BCL2L13: variants seen among roughly 807,000 people sequenced by gnomAD.
BCL2L13 encodes bcl-2-like protein 13.
BCL2L13 carries 13 observed loss-of-function variants against 25.8 expected under a neutral mutation model. The ratio of observed to expected loss-of-function variants is 0.50; its 90% confidence interval spans 0.33 to 0.80. BCL2L13 has a LOEUF of 0.80. BCL2L13 is among the 30% of genes least tolerant of loss of function. The pLI, the probability that BCL2L13 is intolerant of heterozygous loss-of-function variation, is 0.02. For synonymous variants in BCL2L13, 244 were observed against 230.3 expected (o/e 1.06, Z -0.54); for missense variants, 504 against 574.9 (o/e 0.88, Z 1.26).
chr22:17,668,029 T>G, intron 2 of BCL2L13, among the ~76,000 whole-genome samples: 1 of 151,300 alleles, frequency 6.6e-6, no homozygotes. Context: ...TTTTTTTTTT[T>G]TGAGACAGTC....
intron 4 of BCL2L13, among the ~76,000 whole-genome samples, chr22:17,690,106 A>G (rs2060061389): frequency 6.6e-6 from 1 of 152,012 alleles, no homozygotes; most frequent in Non-Finnish European, 1.5e-5. Flanking sequence ...TGGAGGTATC[A>G]CTGGAAGTCA....
At chr22:17,703,974 A>AGT (rs1306946480) in intron 6 of BCL2L13, among the ~76,000 whole-genome samples, 6 of 152,244 alleles carry the variant, frequency 3.9e-5, no homozygotes, top group Non-Finnish European at 7.3e-5. Flanking sequence ...ATGATGATGT[A>AGT]GTACATCAAG....
At chr22:17,643,472 G>A (rs961037766) in intron 1 of BCL2L13, among the ~76,000 whole-genome samples, 1 of 151,754 alleles carries the variant, frequency 6.6e-6, no homozygotes, top group Non-Finnish European at 1.5e-5. Flanking sequence ...ATAGGAGCTG[G>A]CAAAGCATGG....
intron 6 of BCL2L13, chr22:17,706,841 T>TA (rs765057459): frequency 7.4e-7 from 1 of 1,351,754 alleles, no homozygotes; most frequent in East Asian, 4.5e-5. Flanking sequence ...GCTTGTATTT[T>TA]ACTTTCTCCG....
At position 17,726,707 on chromosome 22, in the gene BCL2L13, G is replaced by A. The variant is rs1163848312; in HGVS notation, c.631G>A (p.Glu211Lys). The change falls in exon 7 of 7, where the codon GAG becomes AAG. Residue 211 changes from glutamate to lysine, a missense_variant. Glu to Lys is a moderately conservative substitution (Grantham distance 56). Transcript: ENST00000317582. ...TGTGTTTAGTCTTGAGTCAGAGGAG[G>A]AGGAATACCCTGGAATCACTGCAGA... Reference protein sequence around the residue: ...GTVFSLESEEEEYPGITAEDS... With the variant: ...GTVFSLESEEKEYPGITAEDS... 1 of 1,614,090 alleles carries A rather than the reference G, an allele frequency of 6.2e-7. No individual in the cohort carries two copies. Among genetic ancestry groups the A allele is most frequent in the Admixed American group, 1.7e-5 (1 of 60,004 alleles).
Position 17,727,555 on chromosome 22 carries a change from G to T in BCL2L13, c.*21G>T. 1 of 1,611,570 alleles carries T rather than the reference G, an allele frequency of 6.2e-7. No individual in the cohort carries two copies. On this transcript the variant is annotated 3_prime_UTR_variant, in exon 7 of 7. Transcript: ENST00000317582. Reference sequence around the variant, plus strand: ...AATAGGAGGCTTTTCAGAAGAGAAAGACAGAAGGATGTAAGGTTGGAGTTG... The same window carrying T: ...AATAGGAGGCTTTTCAGAAGAGAAATACAGAAGGATGTAAGGTTGGAGTTG...
intron 6 of BCL2L13, among the ~76,000 whole-genome samples, chr22:17,720,618 G>A (rs943667649): frequency 2.6e-5 from 4 of 150,952 alleles, no homozygotes; most frequent in Non-Finnish European, 4.4e-5. Flanking sequence ...GCCTGCCTCC[G>A]CCTCCCAAAG....
At chr22:17,675,984 G>C (rs1327792029) in intron 2 of BCL2L13, among the ~76,000 whole-genome samples, 2 of 152,174 alleles carry the variant, frequency 1.3e-5, no homozygotes, top group Non-Finnish European at 2.9e-5. Flanking sequence ...TTCTGTATAA[G>C]CATCTTTGAT....
chr22:17,653,861 A>C (rs1312167914), intron 1 of BCL2L13, among the ~76,000 whole-genome samples: 1 of 151,892 alleles, frequency 6.6e-6, no homozygotes, highest in Non-Finnish European at 1.5e-5. Flanking sequence ...ATTTTTAAAA[A>C]TTGTTTATCA....
At chr22:17,707,769 T>A (rs1012728510) in intron 6 of BCL2L13, among the ~76,000 whole-genome samples, 5 of 152,184 alleles carry the variant, frequency 3.3e-5, no homozygotes, top group Admixed American at 3.3e-4. Context: ...TTGCCAAAGC[T>A]TCTTCAGATG....
intron 2 of BCL2L13, among the ~76,000 whole-genome samples, chr22:17,676,343 C>T (rs773176519): frequency 3.9e-5 from 6 of 151,952 alleles, no homozygotes; most frequent in Non-Finnish European, 5.9e-5. Context: ...CACGCCTGTA[C>T]TCCCAGCTAC....
At chr22:17,656,973 C>T (rs1170323535) in intron 2 of BCL2L13, among the ~76,000 whole-genome samples, 2 of 152,178 alleles carry the variant, frequency 1.3e-5, no homozygotes, top group African/African-American at 4.8e-5. Flanking sequence ...CGCACGCTGC[C>T]ACGCCCGGCT....
intron 2 of BCL2L13, among the ~76,000 whole-genome samples, chr22:17,656,310 C>T (rs1166280720): frequency 8.0e-6 from 1 of 124,522 alleles, no homozygotes; most frequent in African/African-American, 3.1e-5. Flanking sequence ...AAGCAAAAAA[C>T]AAAAGTATTT....
At chr22:17,648,507 G>A (rs1413331606) in intron 1 of BCL2L13, among the ~76,000 whole-genome samples, 2 of 151,592 alleles carry the variant, frequency 1.3e-5, no homozygotes, top group African/African-American at 2.4e-5. Context: ...ACACCAGCTG[G>A]GGCAACATAG....
At chr22:17,638,181 G>C (rs2058146239), upstream of BCL2L13, 1 of 152,786 alleles carries the variant, frequency 6.5e-6, no homozygotes, top group Non-Finnish European at 1.5e-5. Flanking sequence ...TATGTTCCAG[G>C]CGCTGTGTGT....
intron 1 of BCL2L13, among the ~76,000 whole-genome samples, chr22:17,631,696 A>ATT: frequency 3.0e-5 from 1 of 33,234 alleles, no homozygotes; most frequent in African/African-American, 8.2e-5. Context: ...ATATATATAT[A>ATT]TATATATATA....
rs1281133852 is a variant in BCL2L13 at position 17,631,697 on chromosome 22, TATATATATA to T, written c.-650+2693_-650+2701del. Among the ~76,000 whole-genome samples the T allele has an allele frequency of 4.3e-4, 19 of 44,134 alleles. 1 individual carries two copies. Among genetic ancestry groups the T allele is most frequent in the Admixed American group, 3.8e-3 (10 of 2,656 alleles). 29.0% of individuals were successfully genotyped at this position (44,134 alleles called of 152,430 possible). On this transcript the variant is annotated intron_variant, in intron 1 of 6. Coordinates refer to the BCL2L13 transcript ENST00000399782. Reference sequence around the variant, plus strand: ...ATATATATATATATATATATATATATATATATATATTTTTTTTTTTTTTTTTTTTTTTTT... The same window carrying T: ...ATATATATATATATATATATATATATTTTTTTTTTTTTTTTTTTTTTTTTT...
upstream of BCL2L13, among the ~76,000 whole-genome samples, chr22:17,635,851 A>G (rs2058094668): frequency 6.8e-6 from 1 of 147,478 alleles, no homozygotes; most frequent in African/African-American, 2.5e-5. Context: ...CTGGGACTGA[A>G]GGTGCGCGCC....
In BCL2L13 at chr22:17,680,248, C is replaced by T. The variant is rs867751205; in HGVS notation, c.122-2966C>T. 6.6e-4 allele frequency among the ~76,000 whole-genome samples: 92 copies of T among 139,550 alleles called. 3 individuals are homozygous for T. The Admixed American group carries it at 6.8e-3, about 10-fold the overall frequency. 91.6% of individuals were successfully genotyped at this position (139,550 alleles called of 152,430 possible). ...AAAAAAAGCTGGGCACGGTGGCTCA[C>T]GCCTGTAATCCCAACACTTTGGGAG... On this transcript the variant is annotated intron_variant, in intron 2 of 6. Coordinates refer to ENST00000317582, the MANE Select transcript of BCL2L13 (RefSeq NM_015367.4).
Sources: allele counts gnomAD v4.1 joint callset (sites outside exome capture counted in the v4.1 genomes callset), GRCh38; gene constraint gnomAD v4.1.1; transcripts MANE v1.5; gene names NCBI Gene and HGNC (gene_info 2026-07-23, HGNC 2026-07-21).